The following SORCS1 variants were observed in gnomAD, a reference collection of about 807,000 sequenced individuals.
The protein encoded by SORCS1 is sortilin related VPS10 domain containing receptor 1.
In SORCS1, 60 loss-of-function variants were observed where a neutral mutation model predicts 146.1. The observed-to-expected ratio is 0.41, with a 90% confidence interval of 0.33 to 0.51. The LOEUF (loss-of-function observed/expected upper bound fraction) is 0.51, where lower values mean the gene tolerates loss of function less well. SORCS1 is among the 20% of genes least tolerant of loss of function. SORCS1 has a pLI of 0.21. For missense variants in SORCS1, 1,352 were observed against 1,487.6 expected (o/e 0.91, Z 1.50); for synonymous variants, 637 against 584.0 (o/e 1.09, Z -1.31).
intron 1 of SORCS1, among the ~76,000 whole-genome samples, chr10:106,977,750 A>G (rs539715375): frequency 6.6e-6 from 1 of 152,336 alleles, no homozygotes; most frequent in Non-Finnish European, 1.5e-5. Context: ...ATATGAGCCA[A>G]TATGGGACAA....
At chr10:107,175,432 ATTTC>A in the SORCS1 span, among the ~76,000 whole-genome samples, 6 of 151,582 alleles carry the variant, frequency 4.0e-5, no homozygotes, top group Non-Finnish European at 8.8e-5. Flanking sequence ...ACCTATTTAG[ATTTC>A]TTTCTTTCTT....
At chr10:106,792,101 T>C (rs1434573901) in intron 3 of SORCS1, among the ~76,000 whole-genome samples, 1 of 152,230 alleles carries the variant, frequency 6.6e-6, no homozygotes, top group African/African-American at 2.4e-5. Context: ...ACACTTTCTA[T>C]CTTCATCTAC....
intron 2 of SORCS1, among the ~76,000 whole-genome samples, chr10:106,906,632 C>T (rs1951918818): frequency 6.6e-6 from 1 of 152,184 alleles, no homozygotes; most frequent in Non-Finnish European, 1.5e-5. Flanking sequence ...ATTGAATTAC[C>T]TTCCCCTGGG....
chr10:106,864,099 A>C (rs1207378353), intron 2 of SORCS1, among the ~76,000 whole-genome samples: 1 of 152,222 alleles, frequency 6.6e-6, no homozygotes, highest in African/African-American at 2.4e-5. Flanking sequence ...AACTTAGTAT[A>C]GAAAAAAATC....
chr10:106,841,663 C>T (rs1400638735), intron 2 of SORCS1, among the ~76,000 whole-genome samples: 1 of 152,100 alleles, frequency 6.6e-6, no homozygotes, highest in East Asian at 1.9e-4. Context: ...TGAGGTATGC[C>T]TATAGTTGAA....
At chr10:107,117,226 C>T (rs1005139736) in intron 1 of SORCS1, among the ~76,000 whole-genome samples, 1 of 152,030 alleles carries the variant, frequency 6.6e-6, no homozygotes, top group African/African-American at 2.4e-5. Flanking sequence ...AGGAAAACTG[C>T]CAGTTAGAAC....
chr10:106,621,164 G>C (rs1847720338), intron 19 of SORCS1, among the ~76,000 whole-genome samples: 1 of 152,152 alleles, frequency 6.6e-6, no homozygotes, highest in Admixed American at 6.5e-5. Flanking sequence ...GAGCTCTGTG[G>C]TTCTCAGAAG....
In SORCS1 at chr10:106,972,585, G is replaced by T. The variant is rs4918275; in HGVS notation, c.559-16005C>A. On this transcript the variant is annotated intron_variant, in intron 1 of 25. Coordinates refer to ENST00000263054, the MANE Select transcript of SORCS1 (RefSeq NM_052918.5). ...GTGACTTGCCCAAGATCAGCTAGGT[G>T]GGGGGGCTGAGATTTGAATCTGAAC... 2.3e-5 allele frequency among the ~76,000 whole-genome samples: 3 copies of T among 132,492 alleles called. No homozygotes were observed. In the South Asian group the frequency reaches 6.3e-4, roughly 28 times the overall value. The allele number at this position is 132,492 out of a possible 152,430, so 86.9% of individuals were successfully genotyped here.
At chr10:106,779,420 G>A (rs1003848510) in intron 3 of SORCS1, among the ~76,000 whole-genome samples, 2 of 152,068 alleles carry the variant, frequency 1.3e-5, no homozygotes, top group Admixed American at 1.3e-4. Context: ...ACAAACTCAT[G>A]ACCCTATCAT....
intron 1 of SORCS1, among the ~76,000 whole-genome samples, chr10:107,023,612 G>T (rs962988393): frequency 6.6e-6 from 1 of 152,068 alleles, no homozygotes; most frequent in Non-Finnish European, 1.5e-5. Flanking sequence ...TTAATATATA[G>T]TAGAGACCGG....
chr10:106,663,697 A>C (rs1311948852), intron 17 of SORCS1, among the ~76,000 whole-genome samples: 1 of 152,212 alleles, frequency 6.6e-6, no homozygotes, highest in African/African-American at 2.4e-5. Context: ...ACCTCTTGCC[A>C]ACTCTTGAGT....
intron 5 of SORCS1, among the ~76,000 whole-genome samples, chr10:106,745,422 A>G (rs1173451930): frequency 1.3e-5 from 2 of 151,816 alleles, no homozygotes. Context: ...AAAAAAAAAA[A>G]GAAAAGAAAA....
chr10:106,876,100 C>T (rs1334183947), intron 2 of SORCS1, among the ~76,000 whole-genome samples: 1 of 152,074 alleles, frequency 6.6e-6, no homozygotes, highest in Non-Finnish European at 1.5e-5. Flanking sequence ...AGCTCTTCTT[C>T]AGCATAATTC....
intron 1 of SORCS1, among the ~76,000 whole-genome samples, chr10:107,093,794 C>T (rs1590120636): frequency 6.6e-6 from 1 of 152,140 alleles, no homozygotes; most frequent in African/African-American, 2.4e-5. Flanking sequence ...CCTATCACTA[C>T]CTCTTCCACC....
chr10:107,068,061 C>T (rs1823819623), intron 1 of SORCS1, among the ~76,000 whole-genome samples: 1 of 152,144 alleles, frequency 6.6e-6, no homozygotes, highest in African/African-American at 2.4e-5. Flanking sequence ...CTCTCTCATT[C>T]TTTCTCCGAG....
At position 106,960,416 on chromosome 10, in the gene SORCS1, T is replaced by C. The variant is rs982375032; in HGVS notation, c.559-3836A>G. On this transcript the variant is annotated intron_variant, in intron 1 of 25. Coordinates refer to ENST00000263054, the MANE Select transcript of SORCS1 (RefSeq NM_052918.5). This position sits in a 1 kb window ranked among gnomAD's most constrained non-coding sequence, Gnocchi z 4.4. Reference sequence around the variant, plus strand: ...CGTTTTCTCTTTTTCTTTTTCTTTTTTTTTTTTGAGATGGAATCTCGCTCT... The same window carrying C: ...CGTTTTCTCTTTTTCTTTTTCTTTTCTTTTTTTGAGATGGAATCTCGCTCT... 3.3e-5 allele frequency among the ~76,000 whole-genome samples: 5 copies of C among 151,966 alleles called. No homozygotes were observed. Among genetic ancestry groups the C allele is most frequent in the African/African-American group, 9.7e-5 (4 of 41,352 alleles).
chr10:106,986,511 C>CGTGTGTGTGT (rs58888609), intron 1 of SORCS1, among the ~76,000 whole-genome samples: 11 of 148,312 alleles, frequency 7.4e-5, no homozygotes, highest in South Asian at 2.2e-4. Flanking sequence ...TATATACAAC[C>CGTGTGTGTGT]GTGTGTGTGT....
chr10:106,883,328 T>G (rs903898954), intron 2 of SORCS1, among the ~76,000 whole-genome samples: 4 of 152,196 alleles, frequency 2.6e-5, no homozygotes, highest in Non-Finnish European at 5.9e-5. Flanking sequence ...TACCCTTCGA[T>G]CTTGCAGATT....
intron 4 of SORCS1, among the ~76,000 whole-genome samples, chr10:106,765,686 G>A (rs1349629567): frequency 1.3e-5 from 2 of 151,958 alleles, no homozygotes; most frequent in Non-Finnish European, 2.9e-5. Flanking sequence ...AAGATGGGAT[G>A]AGAGAAGGGT....
Sources: gnomAD v4.1 joint callset for allele counts (sites outside exome capture counted in the v4.1 genomes callset) on GRCh38, gnomAD v4.1.1 for gene constraint, Gnocchi (gnomAD v3.1) non-coding constraint, MANE v1.5 for transcripts, NCBI Gene and HGNC (gene_info 2026-07-23, HGNC 2026-07-21) for gene names.